Variants in DYNLL2 observed in about 807,000 individuals in gnomAD.
The protein encoded by DYNLL2 is dynein light chain LC8-type 2, also known as dynein light chain 2, cytoplasmic.
DYNLL2 carries 1 observed loss-of-function variant against 9.7 expected under a neutral mutation model. The ratio of observed to expected loss-of-function variants is 0.10; its 90% CI spans 0.04 to 0.49. The LOEUF (loss-of-function observed/expected upper bound fraction) is 0.49. Among genes scored for constraint, DYNLL2 ranks in the 20% least tolerant of loss-of-function variants. The pLI is 0.95. For synonymous variants in DYNLL2, 35 were observed against 40.5 expected, an observed-to-expected ratio of 0.86 and a Z score of 0.52; for missense variants, 37 against 115.2, an observed-to-expected ratio of 0.32 and a Z score of 3.11.
rs2075776742 is a variant in DYNLL2, at chr17:58,090,627, TGGA to T, written c.*1354_*1356del. 6.6e-6 allele frequency: 1 copy of T among 152,074 alleles called. No homozygotes were observed. The highest frequency in any genetic ancestry group is 2.4e-5 in the African/African-American group (1 of 41,094). The allele number at this position is 152,074 out of a possible 1,614,324, so 9.4% of individuals were successfully genotyped here. On this transcript the variant is annotated 3_prime_UTR_variant, in exon 3 of 3. Coordinates refer to ENST00000579991, the MANE Select transcript of DYNLL2 (RefSeq NM_080677.3). ...AGCTAAGAGGAGCTTCTGGGAGCCT[TGGA>T]GGAGGTCAGTCTTGCAGTGGTGAAG...
chr17:58,084,867 G>A (rs1220954539), intron 1 of DYNLL2, among the ~76,000 whole-genome samples: 2 of 151,462 alleles, frequency 1.3e-5, no homozygotes, highest in Non-Finnish European at 1.5e-5. Context: ...TGGTAACCTG[G>A]AATAGGCCAC....
chr17:58,085,810 G>GT (rs1273061593), intron 1 of DYNLL2, among the ~76,000 whole-genome samples: 4 of 152,104 alleles, frequency 2.6e-5, no homozygotes, highest in Non-Finnish European at 4.4e-5. Flanking sequence ...CCAAGCCTCT[G>GT]TTTTTTTAGG....
Position 58,089,261 on chromosome 17 carries a change from C to T in DYNLL2, c.252C>T (p.Leu84=), listed in dbSNP as rs749033895. The change falls in exon 3 of 3, where the codon CTC becomes CTT. Residue 84 remains leucine (L), a synonymous_variant. Coordinates refer to ENST00000579991, the MANE Select transcript of DYNLL2 (RefSeq NM_080677.3). ...TTTACTTGGGTCAAGTTGCAATCCT[C>T]CTCTTCAAGTCAGGCTAGGTGGCCA... The part of the protein sequence containing the change: ...IYFYLGQVAI[L]LFKSG 3.1e-6 allele frequency: 5 copies of T among 1,614,060 alleles called. No individual in the cohort carries two copies. The highest frequency in any genetic ancestry group is 1.3e-5 in the African/African-American group (1 of 75,026).
chr17:58,087,570 G>T (rs1055207876), intron 2 of DYNLL2, among the ~76,000 whole-genome samples: 1 of 152,082 alleles, frequency 6.6e-6, no homozygotes, highest in East Asian at 1.9e-4. Context: ...TAAAATCTAG[G>T]ATATTTGAAA....
At position 58,087,427 on chromosome 17, in the gene DYNLL2, T is replaced by G. The variant is rs1598088245; in HGVS notation, c.132+205T>G. 1.6e-4 allele frequency among the ~76,000 whole-genome samples: 2 copies of G among 12,556 alleles called. No individual in the cohort carries two copies. Among genetic ancestry groups the G allele is most frequent in the South Asian group, 0.056 (2 of 36 alleles). The allele number at this position is 12,556 out of a possible 152,430, so 8.2% of individuals were successfully genotyped here. A position where few individuals can be genotyped will look rare whatever the true frequency, so the allele number is the denominator to read the frequency against. ...AGGAGTTGTTAATAGCTCTGCCAGG[T>G]GTGTGTGTGTGTGTGTGTGTATGTT... On this transcript the variant is annotated intron_variant, in intron 2 of 2. Coordinates refer to ENST00000579991, the MANE Select transcript of DYNLL2 (RefSeq NM_080677.3).
In DYNLL2 at chr17:58,084,412, T is replaced by G. The variant is rs187040181; in HGVS notation, c.-10+729T>G. On this transcript the variant is annotated intron_variant, in intron 1 of 2. Coordinates refer to ENST00000579991, the MANE Select transcript of DYNLL2 (RefSeq NM_080677.3). ...AAAACCAGGAATAGAGGATGGGAGC[T>G]GTCCTGGGGTGCCCTTTGTGCTTTT... 3.8e-3 allele frequency among the ~76,000 whole-genome samples: 572 copies of G among 152,228 alleles called. 2 individuals are homozygous for G. The highest frequency in any genetic ancestry group is 0.013 in the African/African-American group (551 of 41,542).
At chr17:58,087,965 C>T (rs1230189697) in intron 2 of DYNLL2, among the ~76,000 whole-genome samples, 2 of 152,192 alleles carry the variant, frequency 1.3e-5, no homozygotes, top group African/African-American at 4.8e-5. Context: ...ATCCCAAGAA[C>T]ATGTGTAAGA....
In DYNLL2 at chr17:58,089,941, T is replaced by G; in HGVS notation, c.*662T>G. ...GTCTTGCTGTCTTTGTCAGAATTTC[T>G]AAGTAAGGGCTGTGTCTTTGTGGAT... On this transcript the variant is annotated 3_prime_UTR_variant, in exon 3 of 3. Transcript: ENST00000579991. The G allele has an allele frequency of 2.5e-6, 1 of 398,812 alleles. No individual in the cohort carries two copies. Among genetic ancestry groups the G allele is most frequent in the Non-Finnish European group, 4.4e-6 (1 of 226,170 alleles). 24.7% of individuals were successfully genotyped at this position (398,812 alleles called of 1,614,324 possible). A position where few individuals can be genotyped will look rare whatever the true frequency, so the allele number is the denominator to read the frequency against.
chr17:58,090,277 A>T lies in DYNLL2; in HGVS notation c.*998A>T. The T allele has an allele frequency of 5.9e-6, 1 of 170,806 alleles. No individual in the cohort carries two copies. Among genetic ancestry groups the T allele is most frequent in the East Asian group, 1.5e-4 (1 of 6,670 alleles). The allele number at this position is 170,806 out of a possible 1,614,324, so 10.6% of individuals were successfully genotyped here. On this transcript the variant is annotated 3_prime_UTR_variant, in exon 3 of 3. Transcript: ENST00000579991. ...ATGTGTGTGTGGGGTTTGGGGTAGA[A>T]GGGAGGGAGGGGGCAGGACAGTGTG...
At chr17:58,084,177 C>A (rs1220839838) in intron 1 of DYNLL2, among the ~76,000 whole-genome samples, 1 of 146,948 alleles carries the variant, frequency 6.8e-6, no homozygotes, top group Non-Finnish European at 1.5e-5. Flanking sequence ...CGGACCTGGC[C>A]GGCGGCGCGG....
chr17:58,095,427 CCT>C lies in DYNLL2; in HGVS notation c.*6151_*6152del, dbSNP rs1439568170. On this transcript the variant is annotated 3_prime_UTR_variant, in exon 3 of 3. Transcript: ENST00000579991. ...CAAAAAGCAAAAATTCTCCCTCCCA[CCT>C]CTGTCTTCCAGCTACGGGGTTACCT... 3 of 152,220 alleles carry C rather than the reference CCT, an allele frequency of 2.0e-5. No individual in the cohort carries two copies. Among genetic ancestry groups the C allele is most frequent in the African/African-American group, 7.2e-5 (3 of 41,454 alleles). The allele number at this position is 152,220 out of a possible 1,614,324, so 9.4% of individuals were successfully genotyped here.
Position 58,087,226 on chromosome 17 carries a change from T to A in DYNLL2, c.132+4T>A, listed in dbSNP as rs373838334. On this transcript the variant is annotated splice_donor_region_variant and intron_variant, in intron 2 of 2. Coordinates refer to ENST00000579991, the MANE Select transcript of DYNLL2 (RefSeq NM_080677.3). Reference sequence around the variant, plus strand: ...CATTGCTGCCTATATCAAGAAGGTGTGCTGGGAGAGCTGGGACTGATGGCC... The same window carrying A: ...CATTGCTGCCTATATCAAGAAGGTGAGCTGGGAGAGCTGGGACTGATGGCC... 7 of 1,613,606 alleles carry A rather than the reference T, an allele frequency of 4.3e-6. No individual in the cohort carries two copies. The African/African-American group carries it at 8.0e-5, about 18-fold the overall frequency.
chr17:58,089,555 C>A lies in DYNLL2; in HGVS notation c.*276C>A, dbSNP rs979607644. ...GCACTAGGAAATCTCTCCCACCTCTCCCTTTTCTCTTTCTTTCCCTATACA... is the reference window on the plus strand; with the variant it reads ...GCACTAGGAAATCTCTCCCACCTCTACCTTTTCTCTTTCTTTCCCTATACA... On this transcript the variant is annotated 3_prime_UTR_variant, in exon 3 of 3. Transcript: ENST00000579991. 5 of 461,432 alleles carry A rather than the reference C, an allele frequency of 1.1e-5. No homozygotes were observed. Among genetic ancestry groups the A allele is most frequent in the Non-Finnish European group, 1.9e-5 (5 of 267,524 alleles). 28.6% of individuals were successfully genotyped at this position (461,432 alleles called of 1,614,324 possible).
At chr17:58,085,712 G>A (rs147894734) in intron 1 of DYNLL2, among the ~76,000 whole-genome samples, 9 of 152,302 alleles carry the variant, frequency 5.9e-5, no homozygotes, top group African/African-American at 1.4e-4. Context: ...GAATGGCATG[G>A]CCTTGATAGC....
At chr17:58,084,201 G>A (rs1426612474) in intron 1 of DYNLL2, among the ~76,000 whole-genome samples, 2 of 152,042 alleles carry the variant, frequency 1.3e-5, no homozygotes, top group Admixed American at 6.5e-5. Context: ...GGAGGTCGGG[G>A]GGAAGGAGGA....
intron 2 of DYNLL2, among the ~76,000 whole-genome samples, chr17:58,088,619 A>C (rs1445870816): frequency 6.6e-6 from 1 of 152,090 alleles, no homozygotes; most frequent in Non-Finnish European, 1.5e-5. Flanking sequence ...GGCACACGGG[A>C]ATGCCTTTAA....
intron 2 of DYNLL2, 112 bp downstream of exon 2, chr17:58,087,334 C>A: frequency 6.9e-7 from 1 of 1,446,464 alleles, no homozygotes; most frequent in Non-Finnish European, 9.3e-7. Context: ...CCTGTGCAAG[C>A]AAAACCCTAG....
chr17:58,088,587 A>C (rs114221929), intron 2 of DYNLL2, among the ~76,000 whole-genome samples: 2 of 152,216 alleles, frequency 1.3e-5, no homozygotes, highest in African/African-American at 4.8e-5. Flanking sequence ...TTGTTCTGGT[A>C]CATACAGCCC....
chr17:58,084,958 G>C (rs2075753702), intron 1 of DYNLL2, among the ~76,000 whole-genome samples: 1 of 152,014 alleles, frequency 6.6e-6, no homozygotes, highest in Admixed American at 6.6e-5. Flanking sequence ...TTGTACCTTT[G>C]CTCAGACCCA....
Sources: gnomAD v4.1 joint callset for allele counts (sites outside exome capture counted in the v4.1 genomes callset) on GRCh38, gnomAD v4.1.1 for gene constraint, MANE v1.5 for transcripts, NCBI Gene and HGNC (gene_info 2026-07-23, HGNC 2026-07-21) for gene names.